Variants in HOOK2 observed in about 807,000 individuals in gnomAD.
The protein encoded by HOOK2 is hook microtubule tethering protein 2, also known as protein Hook homolog 2.
Under a neutral mutation model 111.9 loss-of-function variants are expected in HOOK2, and 108 were observed. That is an observed-to-expected ratio of 0.96 (90% CI 0.83 to 1.13). The LOEUF (loss-of-function observed/expected upper bound fraction) is 1.13. HOOK2 is among the 50% of genes most tolerant of loss of function. The pLI is 0.00. For missense variants in HOOK2, 978 were observed against 951.3 expected, an observed-to-expected ratio of 1.03 and a Z score of -0.37; for synonymous variants, 405 against 394.3, an observed-to-expected ratio of 1.03 and a Z score of -0.32.
At chr19:12,787,515 C>T (rs947579936) in intron 3 of HOOK2, among the ~76,000 whole-genome samples, 1 of 151,766 alleles carries the variant, frequency 6.6e-6, no homozygotes, top group African/African-American at 2.4e-5. Flanking sequence ...GCCTGTAATC[C>T]CAACTATTCG....
intron 3 of HOOK2, among the ~76,000 whole-genome samples, chr19:12,783,665 G>C (rs1968629004): frequency 6.6e-6 from 1 of 152,096 alleles, no homozygotes; most frequent in African/African-American, 2.4e-5. Flanking sequence ...CTGGACCTCA[G>C]TTTCCCCATC....
rs968569334 is a variant in HOOK2 at position 12,763,798 on chromosome 19, T to C, written c.1828-20A>G. 1.9e-6 allele frequency: 3 copies of C among 1,597,592 alleles called. No homozygotes were observed. The East Asian group carries it at 6.7e-5, about 36-fold the overall frequency. The stretch of plus-strand genomic sequence containing the variant: ...CATGACCTACAGGTTGAGGAAGTCA[T>C]AGCCAGGTGACTTTGGCCTTGAAAC... On this transcript the variant is annotated intron_variant, in intron 20 of 22. Coordinates refer to ENST00000397668, the MANE Select transcript of HOOK2 (RefSeq NM_013312.3).
chr19:12,770,173 T>G, intron 10 of HOOK2, 91 bp from the exon 11 acceptor site: 2 of 1,172,794 alleles, frequency 1.7e-6, no homozygotes, highest in Non-Finnish European at 2.3e-6. Context: ...AGGGTGTTGT[T>G]CAGCCTGAGG....
chr19:12,785,083 GAC>G (rs1968643170), intron 3 of HOOK2: 1 of 152,690 alleles, frequency 6.5e-6, no homozygotes, highest in African/African-American at 2.4e-5. Flanking sequence ...GAGAGGCACA[GAC>G]AGGCCACAGT....
chr19:12,765,084 G>C lies in HOOK2; in HGVS notation c.1641-3C>G. On this transcript the variant is annotated splice_region_variant and splice_polypyrimidine_tract_variant and intron_variant, in intron 18 of 22. Transcript: ENST00000397668. The stretch of plus-strand genomic sequence containing the variant: ...GATCTGCCTCATGAAGCTTCTGCCT[G>C]TGGGCCGGGGATGAGCAGCAGTGGG... 6.2e-7 allele frequency: 1 copy of C among 1,614,100 alleles called. No individual in the cohort carries two copies. Among genetic ancestry groups the C allele is most frequent in the Non-Finnish European group, 8.5e-7 (1 of 1,180,002 alleles).
upstream of HOOK2, among the ~76,000 whole-genome samples, chr19:12,782,463 G>A (rs188183143): frequency 3.7e-4 from 57 of 152,324 alleles, no homozygotes; most frequent in African/African-American, 1.3e-3. Context: ...CTGCGCGGAC[G>A]CAGTGATGTG....
At chr19:12,777,388 G>A (rs887044645), upstream of HOOK2, among the ~76,000 whole-genome samples, 1 of 151,918 alleles carries the variant, frequency 6.6e-6, no homozygotes, top group East Asian at 1.9e-4. Flanking sequence ...GCTGAGGTGG[G>A]AGGATCGCTT....
intron 3 of HOOK2, among the ~76,000 whole-genome samples, chr19:12,788,318 G>T (rs1392632589): frequency 1.3e-5 from 2 of 152,170 alleles, no homozygotes; most frequent in South Asian, 4.1e-4. Context: ...TTGCTGGATT[G>T]TTGGAAGCAG....
rs763918658 is a variant in HOOK2, at chr19:12,771,161, G to A, written c.759C>T (p.Phe253=). ...GCCCAGTCCCCAGCTGACCACACCT[G>A]AAGTTCTCCTCCTGCAACTGCTCCA... The part of the protein sequence containing the change: ...SQLEQLQEEN[F]RLESGREDER... The change falls in exon 9 of 23, where the codon TTC becomes TTT. Residue 253 remains phenylalanine, a splice_region_variant and synonymous_variant. Coordinates refer to ENST00000397668, the MANE Select transcript of HOOK2 (RefSeq NM_013312.3). 1.2e-6 allele frequency: 2 copies of A among 1,613,552 alleles called. No homozygotes were observed. Among genetic ancestry groups the A allele is most frequent in the Non-Finnish European group, 1.7e-6 (2 of 1,179,784 alleles).
chr19:12,764,635 C>A lies in HOOK2; in HGVS notation c.1827+179G>T, dbSNP rs1002174949. On this transcript the variant is annotated intron_variant, in intron 20 of 22. Coordinates refer to ENST00000397668, the MANE Select transcript of HOOK2 (RefSeq NM_013312.3). ...GAGCCACGGCACCCAGCCAGCTGTG[C>A]AGTATTTTAATGTGACAATCAGTAG... 14 of 642,328 alleles carry A rather than the reference C, an allele frequency of 2.2e-5. 1 individual carries two copies. The highest frequency in any genetic ancestry group is 8.2e-5 in the Admixed American group (3 of 36,772). The allele number at this position is 642,328 out of a possible 1,614,324, so 39.8% of individuals were successfully genotyped here.
chr19:12,766,256 G>A lies in HOOK2; in HGVS notation c.1374-16C>T. On this transcript the variant is annotated splice_polypyrimidine_tract_variant and intron_variant, in intron 14 of 22. Transcript: ENST00000397668. ...GAGCGTCTCCCTGCAGACCCGGGAGGAGAGAGCAGGGCCAGGGTCGAGTCA... is the reference window on the plus strand; with the variant it reads ...GAGCGTCTCCCTGCAGACCCGGGAGAAGAGAGCAGGGCCAGGGTCGAGTCA... 1 of 1,549,890 alleles carries A rather than the reference G, an allele frequency of 6.5e-7. No homozygotes were observed. Among genetic ancestry groups the A allele is most frequent in the Non-Finnish European group, 8.7e-7 (1 of 1,153,644 alleles).
At chr19:12,775,307 C>T in intron 1 of HOOK2, 98 bp downstream of exon 1, 2 of 1,525,896 alleles carry the variant, frequency 1.3e-6, no homozygotes, top group Non-Finnish European at 1.8e-6. Flanking sequence ...CCCCGCACCT[C>T]CCAGCCCCAG....
At position 12,775,520 on chromosome 19, in the gene HOOK2, G is replaced by C; in HGVS notation, c.-71C>G. 6.5e-7 allele frequency: 1 copy of C among 1,533,572 alleles called. No individual in the cohort carries two copies. Among genetic ancestry groups the C allele is most frequent in the Non-Finnish European group, 8.8e-7 (1 of 1,139,280 alleles). The allele number at this position is 1,533,572 out of a possible 1,614,324, so 95.0% of individuals were successfully genotyped here. On this transcript the variant is annotated 5_prime_UTR_variant, in exon 1 of 23. Coordinates refer to ENST00000397668, the MANE Select transcript of HOOK2 (RefSeq NM_013312.3). Reference sequence around the variant, plus strand: ...AGCAGCCTCCGGGTCCGCCACCAGCGAGCGCCCGCAGCCCCGACCTCCCGC... The same window carrying C: ...AGCAGCCTCCGGGTCCGCCACCAGCCAGCGCCCGCAGCCCCGACCTCCCGC...
chr19:12,780,365 T>C (rs1968587118), upstream of HOOK2, among the ~76,000 whole-genome samples: 1 of 151,988 alleles, frequency 6.6e-6, no homozygotes, highest in Non-Finnish European at 1.5e-5. Flanking sequence ...TTTTTTCTTT[T>C]TCTTTTTTTG....
At chr19:12,782,454 TGC>T (rs1384146609), upstream of HOOK2, among the ~76,000 whole-genome samples, 5 of 152,232 alleles carry the variant, frequency 3.3e-5, no homozygotes, top group Non-Finnish European at 7.4e-5. Context: ...GACAGCAGGC[TGC>T]GCGGACGCAG....
At chr19:12,783,508 G>T (rs554323860) in intron 3 of HOOK2, among the ~76,000 whole-genome samples, 1 of 152,016 alleles carries the variant, frequency 6.6e-6, no homozygotes, top group South Asian at 2.1e-4. Flanking sequence ...CGCCCCCCTC[G>T]AGCCTGGCCT....
At chr19:12,771,768 G>A (rs1240191365) in intron 7 of HOOK2, 1 of 433,120 alleles carries the variant, frequency 2.3e-6, no homozygotes, top group East Asian at 4.6e-5. Flanking sequence ...TGTAGTCCTG[G>A]CTACTCGGGA....
upstream of HOOK2, among the ~76,000 whole-genome samples, chr19:12,776,649 AG>A (rs1968519937): frequency 7.4e-6 from 1 of 135,128 alleles, no homozygotes; most frequent in South Asian, 2.3e-4. Flanking sequence ...ACTGCACTCC[AG>A]GGGGCAACAG....
intron 3 of HOOK2, among the ~76,000 whole-genome samples, chr19:12,789,445 G>A (rs960483267): frequency 6.6e-6 from 1 of 152,144 alleles, no homozygotes; most frequent in East Asian, 1.9e-4. Flanking sequence ...TAGGGAAGGA[G>A]GGGGGCTCCC....
Sources: allele counts gnomAD v4.1 joint callset (sites outside exome capture counted in the v4.1 genomes callset), GRCh38; gene constraint gnomAD v4.1.1; transcripts MANE v1.5; gene names NCBI Gene and HGNC (gene_info 2026-07-23, HGNC 2026-07-21).